Variants in OR56A3 observed in about 807,000 individuals in gnomAD.
OR56A3 encodes the protein olfactory receptor family 56 subfamily A member 3.
In OR56A3, 23 loss-of-function variants were observed where a neutral mutation model predicts 17.5. That is an observed-to-expected ratio of 1.32 (90% CI 0.95 to 1.87). The LOEUF is 1.87. OR56A3 is among the 40% of genes most tolerant of loss of function. The pLI, the probability that OR56A3 is intolerant of heterozygous loss-of-function variation, is 0.00. For synonymous variants in OR56A3, 175 were observed against 150.6 expected (o/e 1.16, Z -1.19); for missense variants, 366 against 380.1 (o/e 0.96, Z 0.31).
At chr11:5,999,273 G>A in the OR56A3 span, among the ~76,000 whole-genome samples, 1 of 152,116 alleles carries the variant, frequency 6.6e-6, no homozygotes, top group Non-Finnish European at 1.5e-5. Flanking sequence ...GTGCAATAAC[G>A]GTCAGCCTAT....
the OR56A3 span, among the ~76,000 whole-genome samples, chr11:5,983,817 T>C: frequency 3.0e-4 from 46 of 152,224 alleles, no homozygotes; most frequent in African/African-American, 1.1e-3. Flanking sequence ...GTACAAAACA[T>C]GTTCTGATCT....
At chr11:5,965,324 C>T in the OR56A3 span, among the ~76,000 whole-genome samples, 2 of 152,208 alleles carry the variant, frequency 1.3e-5, no homozygotes, top group African/African-American at 4.8e-5. Context: ...TTAATTATTA[C>T]TCTTCTTAAA....
chr11:5,979,859 G>C, the OR56A3 span, among the ~76,000 whole-genome samples: 1 of 152,042 alleles, frequency 6.6e-6, no homozygotes, highest in African/African-American at 2.4e-5. Context: ...TGCTTTAGCT[G>C]TGTCCCAGAG....
the OR56A3 span, among the ~76,000 whole-genome samples, chr11:5,961,307 GA>G: frequency 1.3e-5 from 2 of 152,244 alleles, no homozygotes; most frequent in Non-Finnish European, 2.9e-5. Context: ...TTGTCCAATA[GA>G]AAAGGGGGAA....
chr11:5,995,173 G>A, the OR56A3 span, among the ~76,000 whole-genome samples: 1 of 152,358 alleles, frequency 6.6e-6, no homozygotes, highest in East Asian at 1.9e-4. Flanking sequence ...GTGCAGGTAG[G>A]AGAGTGAGAG....
chr11:5,986,743 A>G, the OR56A3 span: 1 of 1,613,982 alleles, frequency 6.2e-7, no homozygotes, highest in South Asian at 1.1e-5. Context: ...GATGAAGAGA[A>G]TGGTAACATT....
chr11:5,986,938 G>T, the OR56A3 span: 1 of 1,610,110 alleles, frequency 6.2e-7, no homozygotes, highest in Non-Finnish European at 8.5e-7. Flanking sequence ...CATGATTTCT[G>T]CATTCCTGCT....
the OR56A3 span, among the ~76,000 whole-genome samples, chr11:6,004,409 A>G: frequency 6.6e-6 from 1 of 152,202 alleles, no homozygotes. Context: ...CATAGCTACA[A>G]TGACTGATCT....
chr11:6,021,382 G>T, the OR56A3 span: 1 of 152,034 alleles, frequency 6.6e-6, no homozygotes, highest in Non-Finnish European at 1.5e-5. Context: ...TTTTCAAATA[G>T]CTAGAAGAAA....
the OR56A3 span, among the ~76,000 whole-genome samples, chr11:6,008,307 C>G: frequency 1.3e-5 from 2 of 152,132 alleles, no homozygotes; most frequent in Non-Finnish European, 2.9e-5. Flanking sequence ...CTCTATCTTG[C>G]TATGTAGGTG....
At chr11:5,979,711 C>T in the OR56A3 span, among the ~76,000 whole-genome samples, 2 of 151,526 alleles carry the variant, frequency 1.3e-5, no homozygotes, top group African/African-American at 4.8e-5. Flanking sequence ...TTCAGTTCAC[C>T]TCTGGTTTTG....
At chr11:5,994,668 T>G in the OR56A3 span, 2 of 794,932 alleles carry the variant, frequency 2.5e-6, no homozygotes, top group Non-Finnish European at 4.5e-6. Flanking sequence ...TCATACTTGA[T>G]TCTAAAGTCA....
At chr11:5,960,411 C>T in the OR56A3 span, among the ~76,000 whole-genome samples, 4 of 152,224 alleles carry the variant, frequency 2.6e-5, no homozygotes, top group African/African-American at 4.8e-5. Context: ...AGGCGCGCAC[C>T]GCCACACCTG....
the OR56A3 span, among the ~76,000 whole-genome samples, chr11:6,010,636 T>C: frequency 6.6e-6 from 1 of 152,220 alleles, no homozygotes; most frequent in South Asian, 2.1e-4. Flanking sequence ...GAGAAAGAAA[T>C]TGTTATTCTT....
the OR56A3 span, among the ~76,000 whole-genome samples, chr11:6,018,040 G>GTA: frequency 0.028 from 593 of 20,868 alleles, no homozygotes; most frequent in South Asian, 0.16. Flanking sequence ...GTGTGTGTGT[G>GTA]TATATATATA....
chr11:5,947,456 TC>T lies in OR56A3; in HGVS notation c.112del (p.Leu38PhefsTer6). On this transcript the variant is annotated frameshift_variant, in exon 3 of 3. Coordinates refer to ENST00000641160, the MANE Select transcript of OR56A3 (RefSeq NM_001003443.3). LOFTEE classifies it high-confidence loss of function. Reference protein sequence around the residue: ...WQHWLSLPLSLLFLLAVGANT... With the variant: ...WQHWLSLPLSXLFLLAVGANT... ...CACTGGCTGTCCCTGCCCCTCAGCC[TC>T]CTTTTCCTCTTGGCCGTAGGGGCCA... 6.2e-7 allele frequency: 1 copy of T among 1,614,218 alleles called. No homozygotes were observed. The highest frequency in any genetic ancestry group is 2.2e-5 in the East Asian group (1 of 44,882).
chr11:5,966,205 TA>T, the OR56A3 span, among the ~76,000 whole-genome samples: 1 of 44,586 alleles, frequency 2.2e-5, no homozygotes, highest in Admixed American at 3.0e-4. Context: ...ACCCCGTCTC[TA>T]CAAAAAAAAA....
the OR56A3 span, among the ~76,000 whole-genome samples, chr11:5,997,492 C>G: frequency 2.6e-5 from 4 of 152,208 alleles, no homozygotes; most frequent in East Asian, 1.9e-4. Flanking sequence ...CTTCCCTCCC[C>G]ACAGCCCACC....
At chr11:5,958,497 A>G in the OR56A3 span, among the ~76,000 whole-genome samples, 1 of 152,164 alleles carries the variant, frequency 6.6e-6, no homozygotes, top group Non-Finnish European at 1.5e-5. Flanking sequence ...GAATAAAAGC[A>G]GTCTTTCTAA....
Sources: gnomAD v4.1 joint callset for allele counts (sites outside exome capture counted in the v4.1 genomes callset) on GRCh38, gnomAD v4.1.1 for gene constraint, MANE v1.5 for transcripts, NCBI Gene and HGNC (gene_info 2026-07-23, HGNC 2026-07-21) for gene names.